ALCAM: variants seen among roughly 807,000 people sequenced by gnomAD.
ALCAM encodes activated leukocyte cell adhesion molecule.
A neutral mutation model predicts 70.9 loss-of-function variants in ALCAM; 30 were observed. The ratio of observed to expected loss-of-function variants is 0.42; its 90% CI spans 0.32 to 0.57. The LOEUF is 0.57. Ranked by LOEUF, ALCAM falls within the 20% of genes least tolerant of loss-of-function variation. ALCAM has a pLI of 0.11. For missense variants in ALCAM, 591 were observed against 695.1 expected (o/e 0.85, Z 1.68); for synonymous variants, 249 against 242.5 (o/e 1.03, Z -0.25).
rs147952037 is a variant in ALCAM at position 105,486,549 on chromosome 3, A to T, written c.74-33518A>T. Among the ~76,000 whole-genome samples the T allele has an allele frequency of 4.1e-3, 625 of 152,292 alleles. 4 individuals are homozygous for T. Among genetic ancestry groups the T allele is most frequent in the East Asian group, 0.02 (105 of 5,192 alleles). ...AATACAGTCCATATTAGAAGGAATT[A>T]GCTTTTGTTTTTAAAAAGAAGAGAA... On this transcript the variant is annotated intron_variant, in intron 1 of 15. Coordinates refer to ENST00000306107, the MANE Select transcript of ALCAM (RefSeq NM_001627.4).
At chr3:105,514,888 T>C (rs1047160973) in intron 1 of ALCAM, among the ~76,000 whole-genome samples, 19 of 151,954 alleles carry the variant, frequency 1.3e-4, no homozygotes, top group African/African-American at 2.9e-4. Context: ...CAGACCCAAA[T>C]TGGCCTCTAA....
intron 1 of ALCAM, among the ~76,000 whole-genome samples, chr3:105,398,019 T>A (rs1378199038): frequency 6.6e-6 from 1 of 152,110 alleles, no homozygotes; most frequent in Admixed American, 6.6e-5. Context: ...GGTGGAATGG[T>A]GGTTCTTAAA....
At chr3:105,390,633 T>A (rs1031572508) in intron 1 of ALCAM, among the ~76,000 whole-genome samples, 1 of 152,154 alleles carries the variant, frequency 6.6e-6, no homozygotes, top group African/African-American at 2.4e-5. Flanking sequence ...TTTGCCTTTG[T>A]TGCCACTGCT....
chr3:105,525,029 C>G, intron 3 of ALCAM: 1 of 878,376 alleles, frequency 1.1e-6, no homozygotes, highest in South Asian at 5.2e-5. Context: ...CCATATATAT[C>G]CACATACAAA....
chr3:105,392,568 T>C (rs2107356171), intron 1 of ALCAM, among the ~76,000 whole-genome samples: 1 of 152,054 alleles, frequency 6.6e-6, no homozygotes, highest in East Asian at 1.9e-4. Flanking sequence ...TTTTTATGCC[T>C]CTATCTCCTT....
intron 1 of ALCAM, among the ~76,000 whole-genome samples, chr3:105,484,169 A>G (rs1158318850): frequency 6.6e-6 from 1 of 151,760 alleles, no homozygotes; most frequent in African/African-American, 2.4e-5. Context: ...TATTATATAT[A>G]AGAAAATCAG....
At chr3:105,539,705 T>G (rs1411667702) in intron 6 of ALCAM, among the ~76,000 whole-genome samples, 1 of 152,056 alleles carries the variant, frequency 6.6e-6, no homozygotes, top group Non-Finnish European at 1.5e-5. Flanking sequence ...ATACATAAAA[T>G]AATTACCACC....
chr3:105,499,601 T>G (rs1938861850), intron 1 of ALCAM, among the ~76,000 whole-genome samples: 2 of 152,230 alleles, frequency 1.3e-5, no homozygotes, highest in Admixed American at 6.5e-5. Flanking sequence ...CATGTCTGTC[T>G]TTCTACATAC....
chr3:105,489,619 A>C (rs1244840418), intron 1 of ALCAM, among the ~76,000 whole-genome samples: 2 of 152,234 alleles, frequency 1.3e-5, no homozygotes, highest in African/African-American at 4.8e-5. Flanking sequence ...AAAATGTCAA[A>C]GCATGTTTTG....
At chr3:105,504,591 G>A (rs1355054649) in intron 1 of ALCAM, among the ~76,000 whole-genome samples, 2 of 151,554 alleles carry the variant, frequency 1.3e-5, no homozygotes, top group Admixed American at 1.3e-4. Context: ...CCGGCCTGCT[G>A]GTGCCTGTCA....
intron 1 of ALCAM, among the ~76,000 whole-genome samples, chr3:105,379,556 TTA>T (rs1935463452): frequency 6.6e-6 from 1 of 151,820 alleles, no homozygotes; most frequent in Non-Finnish European, 1.5e-5. Flanking sequence ...ATTGACATTA[TTA>T]TATGTGTTTC....
At chr3:105,460,181 C>G (rs1020580281) in intron 1 of ALCAM, among the ~76,000 whole-genome samples, 2 of 151,842 alleles carry the variant, frequency 1.3e-5, no homozygotes, top group Non-Finnish European at 2.9e-5. Context: ...TAAGGGAAAC[C>G]TTTTTTCCCT....
At chr3:105,460,925 T>A (rs1446473795) in intron 1 of ALCAM, among the ~76,000 whole-genome samples, 1 of 150,882 alleles carries the variant, frequency 6.6e-6, no homozygotes, top group Non-Finnish European at 1.5e-5. Flanking sequence ...AATTTAAACA[T>A]CTTGAATATG....
intron 1 of ALCAM, among the ~76,000 whole-genome samples, chr3:105,432,813 G>A (rs777494413): frequency 2.6e-5 from 4 of 152,124 alleles, no homozygotes; most frequent in African/African-American, 9.7e-5. Context: ...AAATTGTCCT[G>A]CAGAGTTTCA....
At chr3:105,432,771 C>A (rs1048872889) in intron 1 of ALCAM, among the ~76,000 whole-genome samples, 2 of 152,040 alleles carry the variant, frequency 1.3e-5, no homozygotes, top group African/African-American at 4.8e-5. Flanking sequence ...TTTTCTTTTG[C>A]ATAATAGAAT....
intron 14 of ALCAM, among the ~76,000 whole-genome samples, chr3:105,559,281 T>C (rs1407125777): frequency 1.4e-5 from 2 of 146,094 alleles, no homozygotes; most frequent in African/African-American, 5.0e-5. Context: ...CATATACACA[T>C]ATATAATATA....
At chr3:105,557,232 T>G (rs1940538842) in intron 14 of ALCAM, among the ~76,000 whole-genome samples, 1 of 152,106 alleles carries the variant, frequency 6.6e-6, no homozygotes, top group African/African-American at 2.4e-5. Context: ...TTGACTTCTC[T>G]CTTTTCTCTA....
At chr3:105,514,400 C>T (rs979500602) in intron 1 of ALCAM, among the ~76,000 whole-genome samples, 7 of 151,828 alleles carry the variant, frequency 4.6e-5, no homozygotes, top group Admixed American at 2.6e-4. Flanking sequence ...GAAACTGTGA[C>T]GTATCCAGCC....
chr3:105,539,991 G>A lies in ALCAM; in HGVS notation c.747G>A (p.Val249=). Residue 249 remains valine, a synonymous_variant, in exon 7 of 16, where the codon GTG becomes GTA. Transcript: ENST00000306107. ...VFDIYYPTEQ[V]TIQVLPPKNA... Reference sequence around the variant, plus strand: ...CTCTTACAGATCCTACAGAGCAGGTGACAATACAAGTGCTGCCACCAAAAA... The same window carrying A: ...CTCTTACAGATCCTACAGAGCAGGTAACAATACAAGTGCTGCCACCAAAAA... 6.2e-7 allele frequency: 1 copy of A among 1,612,314 alleles called. No homozygotes were observed. Among genetic ancestry groups the A allele is most frequent in the Non-Finnish European group, 8.5e-7 (1 of 1,178,838 alleles).
Sources: allele counts gnomAD v4.1 joint callset (sites outside exome capture counted in the v4.1 genomes callset), GRCh38; gene constraint gnomAD v4.1.1; transcripts MANE v1.5; gene names NCBI Gene and HGNC (gene_info 2026-07-23, HGNC 2026-07-21).